The following KLHL1 variants were observed in gnomAD, a reference collection of about 807,000 sequenced individuals.
The protein encoded by KLHL1 is kelch like family member 1, also known as kelch-like protein 1.
KLHL1 carries 47 observed loss-of-function variants against 77.7 expected under a neutral mutation model. The observed-to-expected ratio is 0.60, with a 90% CI of 0.48 to 0.77. KLHL1 has a LOEUF of 0.77. KLHL1 is among the 30% of genes least tolerant of loss of function. The pLI, the probability that KLHL1 is intolerant of heterozygous loss-of-function variation, is 0.00. For missense variants in KLHL1, 925 were observed against 910.8 expected (o/e 1.02, Z -0.20); for synonymous variants, 360 against 325.2 (o/e 1.11, Z -1.15).
chr13:69,804,014 C>T (rs1404107976), intron 6 of KLHL1, among the ~76,000 whole-genome samples: 1 of 152,278 alleles, frequency 6.6e-6, no homozygotes, highest in Admixed American at 6.5e-5. Flanking sequence ...TAATAGATGG[C>T]AGTTGTTTTA....
At chr13:69,713,753 A>G (rs769096353) in intron 9 of KLHL1, among the ~76,000 whole-genome samples, 6 of 152,148 alleles carry the variant, frequency 3.9e-5, no homozygotes, top group Non-Finnish European at 2.9e-5. Context: ...TCTAAAAAAC[A>G]TATAAATAAT....
At chr13:70,102,701 T>G (rs1354106480) in intron 1 of KLHL1, among the ~76,000 whole-genome samples, 1 of 152,196 alleles carries the variant, frequency 6.6e-6, no homozygotes, top group Non-Finnish European at 1.5e-5. Context: ...ACCCTCTTTA[T>G]ATTTCAGTCT....
chr13:70,069,801 A>T (rs1887097777), intron 1 of KLHL1, among the ~76,000 whole-genome samples: 1 of 151,504 alleles, frequency 6.6e-6, no homozygotes, highest in African/African-American at 2.4e-5. Flanking sequence ...AAAAATATAA[A>T]ATCCAAAGCT....
chr13:70,010,776 C>A (rs1295247528), intron 1 of KLHL1, among the ~76,000 whole-genome samples: 1 of 151,740 alleles, frequency 6.6e-6, no homozygotes, highest in African/African-American at 2.4e-5. Context: ...CTTGTAATCC[C>A]AGCTACTAGG....
At chr13:69,846,130 C>T (rs1051810189) in intron 5 of KLHL1, among the ~76,000 whole-genome samples, 5 of 151,564 alleles carry the variant, frequency 3.3e-5, no homozygotes, top group East Asian at 2.0e-4. Flanking sequence ...GCTATCCAAA[C>T]GAATTAAACA....
At chr13:70,001,145 T>C (rs1273151608) in intron 1 of KLHL1, among the ~76,000 whole-genome samples, 8 of 151,132 alleles carry the variant, frequency 5.3e-5, no homozygotes, top group African/African-American at 1.5e-4. Context: ...GATATTGTTA[T>C]GGGAATCAGA....
At chr13:70,045,774 C>T (rs1353418265) in intron 1 of KLHL1, among the ~76,000 whole-genome samples, 1 of 152,122 alleles carries the variant, frequency 6.6e-6, no homozygotes, top group Non-Finnish European at 1.5e-5. Flanking sequence ...AAATGTTTCA[C>T]ATTAATTCTT....
At chr13:69,897,148 A>G (rs1318290195) in intron 4 of KLHL1, among the ~76,000 whole-genome samples, 1 of 152,182 alleles carries the variant, frequency 6.6e-6, no homozygotes, top group East Asian at 1.9e-4. Context: ...TTTAAGAAAC[A>G]TTATTTACAG....
At chr13:69,709,668 T>A (rs371698542) in intron 9 of KLHL1, among the ~76,000 whole-genome samples, 1 of 144,764 alleles carries the variant, frequency 6.9e-6, no homozygotes, top group East Asian at 2.1e-4. Flanking sequence ...AGTCATTATT[T>A]TTGTTTGTTT....
chr13:69,741,194 C>A (rs1156947515), intron 7 of KLHL1, among the ~76,000 whole-genome samples: 1 of 152,050 alleles, frequency 6.6e-6, no homozygotes, highest in Non-Finnish European at 1.5e-5. Flanking sequence ...GAGAGCCATC[C>A]ATGGGAAGAT....
At chr13:70,101,866 C>T (rs1484516889) in intron 1 of KLHL1, among the ~76,000 whole-genome samples, 3 of 151,468 alleles carry the variant, frequency 2.0e-5, no homozygotes, top group Non-Finnish European at 4.4e-5. Flanking sequence ...ACAAAGTAAG[C>T]TTTCCCCAAA....
At chr13:69,924,942 C>A (rs1882765299) in intron 4 of KLHL1, among the ~76,000 whole-genome samples, 1 of 152,204 alleles carries the variant, frequency 6.6e-6, no homozygotes, top group Admixed American at 6.5e-5. Flanking sequence ...GAGCTGCTCA[C>A]CCTCCTGCAG....
intron 1 of KLHL1, among the ~76,000 whole-genome samples, chr13:70,024,647 TC>T (rs1885895301): frequency 7.8e-6 from 1 of 128,072 alleles, no homozygotes; most frequent in Non-Finnish European, 1.7e-5. Flanking sequence ...TCTCTCTCTC[TC>T]TCTCTCTCTC....
intron 4 of KLHL1, among the ~76,000 whole-genome samples, chr13:69,918,081 G>A (rs562400068): frequency 1.3e-5 from 2 of 152,130 alleles, no homozygotes; most frequent in East Asian, 1.9e-4. Context: ...AATAATAAAT[G>A]TGGTATTTCA....
At chr13:69,914,922 G>A (rs1271401613) in intron 4 of KLHL1, among the ~76,000 whole-genome samples, 1 of 152,094 alleles carries the variant, frequency 6.6e-6, no homozygotes, top group Admixed American at 6.5e-5. Flanking sequence ...TTAAGAGAAA[G>A]CCTCATTAAT....
chr13:69,986,377 A>G (rs889645737), intron 1 of KLHL1, among the ~76,000 whole-genome samples: 2 of 152,054 alleles, frequency 1.3e-5, no homozygotes, highest in Non-Finnish European at 2.9e-5. Flanking sequence ...AGTGATGGAT[A>G]TGTTAATTGT....
At chr13:69,757,123 T>C (rs936387162) in intron 7 of KLHL1, among the ~76,000 whole-genome samples, 5 of 152,142 alleles carry the variant, frequency 3.3e-5, no homozygotes, top group African/African-American at 1.2e-4. Context: ...TGATCCTAAA[T>C]CTTTTAGAAA....
chr13:69,900,140 T>C (rs1327793268), intron 4 of KLHL1, among the ~76,000 whole-genome samples: 1 of 152,188 alleles, frequency 6.6e-6, no homozygotes, highest in Non-Finnish European at 1.5e-5. Context: ...ACTCTGGATA[T>C]GGGTTTGCCT....
intron 5 of KLHL1, among the ~76,000 whole-genome samples, chr13:69,871,124 A>G (rs1192926593): frequency 6.6e-6 from 1 of 152,068 alleles, no homozygotes; most frequent in African/African-American, 2.4e-5. Context: ...CCGCTTTTCC[A>G]TTGTGGGCAC....
Sources: allele counts gnomAD v4.1 joint callset (sites outside exome capture counted in the v4.1 genomes callset), GRCh38; gene constraint gnomAD v4.1.1; transcripts MANE v1.5; gene names NCBI Gene and HGNC (gene_info 2026-07-23, HGNC 2026-07-21).